IQUB: variants seen among roughly 807,000 people sequenced by gnomAD.
IQUB encodes the protein IQ motif and ubiquitin domain containing, also known as IQ motif and ubiquitin-like domain-containing protein.
In IQUB, 86 loss-of-function variants were observed where a neutral mutation model predicts 86.4. The ratio of observed to expected loss-of-function variants is 1.00; its 90% CI spans 0.84 to 1.19. The LOEUF is 1.19. Among genes scored for constraint, IQUB ranks in the 50% most tolerant of loss-of-function variants. IQUB has a pLI of 0.00. For synonymous variants in IQUB, 289 were observed against 304.5 expected (o/e 0.95, Z 0.53); for missense variants, 946 against 916.9 (o/e 1.03, Z -0.41).
At chr7:123,527,506 T>C (rs1217205724) in intron 1 of IQUB, among the ~76,000 whole-genome samples, 1 of 152,226 alleles carries the variant, frequency 6.6e-6, no homozygotes, top group African/African-American at 2.4e-5. Flanking sequence ...GTGGATGTCC[T>C]TTCTGTTTGT....
intron 9 of IQUB, among the ~76,000 whole-genome samples, chr7:123,467,986 G>T (rs1455039164): frequency 6.6e-6 from 1 of 152,170 alleles, no homozygotes; most frequent in Non-Finnish European, 1.5e-5. Context: ...GTGTTTTCTT[G>T]CTTATAGAGG....
At chr7:123,483,391 A>T (rs1795088934) in intron 7 of IQUB, among the ~76,000 whole-genome samples, 1 of 152,106 alleles carries the variant, frequency 6.6e-6, no homozygotes, top group African/African-American at 2.4e-5. Context: ...TTATGAGAAT[A>T]ATGAAGCTTT....
At chr7:123,463,347 T>C (rs1303652802) in intron 10 of IQUB, among the ~76,000 whole-genome samples, 1 of 151,752 alleles carries the variant, frequency 6.6e-6, no homozygotes, top group Non-Finnish European at 1.5e-5. Flanking sequence ...CTTGTAATGA[T>C]TTTATTCATA....
At chr7:123,462,698 ATTATT>A in intron 10 of IQUB, 1 of 321,730 alleles carries the variant, frequency 3.1e-6, no homozygotes, top group South Asian at 2.5e-5. Context: ...ATCTTGAATG[ATTATT>A]TTATCTTCAT....
intron 1 of IQUB, among the ~76,000 whole-genome samples, chr7:123,521,085 T>C (rs953774536): frequency 6.6e-6 from 1 of 152,118 alleles, no homozygotes; most frequent in Non-Finnish European, 1.5e-5. Context: ...TGAGAAGATG[T>C]TGTCCTGGAA....
intron 6 of IQUB, among the ~76,000 whole-genome samples, chr7:123,498,308 C>T (rs1047192514): frequency 2.0e-5 from 3 of 152,002 alleles, no homozygotes; most frequent in African/African-American, 7.3e-5. Flanking sequence ...TCTATATATT[C>T]ATGAGCCCTC....
chr7:123,493,721 ATGTGTGTGTATGTGTGTGTGTGTGTG>A (rs1415945082), intron 7 of IQUB, among the ~76,000 whole-genome samples: 7 of 128,342 alleles, frequency 5.5e-5, no homozygotes, highest in South Asian at 2.5e-4. Context: ...CCTGAGAGAA[ATGTGTGTGTATGTGTGTGTGTGTGTG>A]TGTGTGTGTG....
chr7:123,503,318 T>G lies in IQUB; in HGVS notation c.578A>C (p.Lys193Thr). The G allele has an allele frequency of 6.3e-7, 1 of 1,595,980 alleles. No homozygotes were observed. Among genetic ancestry groups the G allele is most frequent in the Non-Finnish European group, 8.6e-7 (1 of 1,166,438 alleles). The change falls in exon 4 of 13, where the codon AAG becomes ACG. Residue 193 changes from lysine to threonine, a missense_variant. By Grantham distance (78) the Lys-to-Thr change is moderately conservative. Coordinates refer to ENST00000324698, the MANE Select transcript of IQUB (RefSeq NM_178827.5). Reference protein sequence around the residue: ...NNETLVQHGVKPQEIVQVEIF... With the variant: ...NNETLVQHGVTPQEIVQVEIF... ...TTCCACTTGTACAATTTCCTGTGGC[T>G]TAACTCCATGTTGTACTAGAGTCTC...
At chr7:123,530,587 T>C (rs1344329070) in intron 1 of IQUB, among the ~76,000 whole-genome samples, 1 of 152,118 alleles carries the variant, frequency 6.6e-6, no homozygotes, top group Non-Finnish European at 1.5e-5. Context: ...ATTTTATTTA[T>C]GGTTTGTTCT....
Position 123,479,794 on chromosome 7 carries a change from C to A in IQUB, c.1410+1G>T. ...ATTTAAATAGTAGTCACTTCACTAA[C>A]CTTATCCAAAAAAGCTTGTATTGCT... On this transcript the variant is annotated splice_donor_variant, in intron 8 of 12. Coordinates refer to ENST00000324698, the MANE Select transcript of IQUB (RefSeq NM_178827.5). LOFTEE classifies it high-confidence loss of function. The A allele has an allele frequency of 2.5e-6, 4 of 1,608,934 alleles. No individual in the cohort carries two copies. The highest frequency in any genetic ancestry group is 3.4e-6 in the Non-Finnish European group (4 of 1,176,696).
At chr7:123,472,036 G>A (rs904225883) in intron 8 of IQUB, among the ~76,000 whole-genome samples, 4 of 152,000 alleles carry the variant, frequency 2.6e-5, no homozygotes, top group South Asian at 2.1e-4. Context: ...TCAGAAGTTC[G>A]AGAACAGCCT....
intron 3 of IQUB, among the ~76,000 whole-genome samples, chr7:123,509,387 C>A (rs915264954): frequency 6.6e-6 from 1 of 152,098 alleles, no homozygotes; most frequent in South Asian, 2.1e-4. Context: ...TCCTGTTCTA[C>A]ACATTCTCTT....
At chr7:123,492,361 T>C (rs1164419119) in intron 7 of IQUB, among the ~76,000 whole-genome samples, 1 of 152,150 alleles carries the variant, frequency 6.6e-6, no homozygotes, top group Non-Finnish European at 1.5e-5. Context: ...TCACATCTCA[T>C]ACAAAATTTA....
At chr7:123,489,595 T>C (rs1303484468) in intron 7 of IQUB, among the ~76,000 whole-genome samples, 1 of 151,894 alleles carries the variant, frequency 6.6e-6, no homozygotes, top group Non-Finnish European at 1.5e-5. Context: ...CTTCCACATA[T>C]TATGTTGATA....
intron 8 of IQUB, among the ~76,000 whole-genome samples, chr7:123,477,749 AAAAC>A (rs1357111346): frequency 2.0e-5 from 3 of 152,336 alleles, no homozygotes; most frequent in Admixed American, 6.5e-5. Context: ...TTACAAGAAA[AAAAC>A]AAACAACCCC....
At position 123,527,785 on chromosome 7, in the gene IQUB, C is replaced by T. The variant is rs1354539620; in HGVS notation, c.-5+6707G>A. On this transcript the variant is annotated intron_variant, in intron 1 of 12. Coordinates refer to ENST00000324698, the MANE Select transcript of IQUB (RefSeq NM_178827.5). ...GTCTTTTTGTTTGTCTGTGCCCTGC[C>T]CCCAGAGGTGGAGCCTACAGAGGCA... is the stretch of plus-strand genomic sequence containing the variant. Among the ~76,000 whole-genome samples, 4 of 152,242 alleles carry T rather than the reference C, an allele frequency of 2.6e-5. No homozygotes were observed. In the East Asian group the frequency reaches 7.8e-4, roughly 30 times the overall value.
chr7:123,463,847 T>G (rs1416372592), intron 10 of IQUB, among the ~76,000 whole-genome samples: 1 of 151,760 alleles, frequency 6.6e-6, no homozygotes, highest in East Asian at 1.9e-4. Context: ...TTACTCCAAA[T>G]ATAAACTGAA....
At chr7:123,528,299 G>C (rs993263685) in intron 1 of IQUB, among the ~76,000 whole-genome samples, 35 of 152,206 alleles carry the variant, frequency 2.3e-4, no homozygotes, top group African/African-American at 8.4e-4. Flanking sequence ...GCTGGGAGCT[G>C]TTGACCAGAG....
intron 1 of IQUB, among the ~76,000 whole-genome samples, chr7:123,517,170 C>T (rs1051239354): frequency 3.3e-5 from 5 of 152,168 alleles, no homozygotes; most frequent in Non-Finnish European, 5.9e-5. Context: ...TATGCCTAAC[C>T]TTTGCCTTGG....
Sources: allele counts gnomAD v4.1 joint callset (sites outside exome capture counted in the v4.1 genomes callset), GRCh38; gene constraint gnomAD v4.1.1; transcripts MANE v1.5; gene names NCBI Gene and HGNC (gene_info 2026-07-23, HGNC 2026-07-21).